SH3BP4: variants seen among roughly 807,000 people sequenced by gnomAD.
SH3BP4 encodes the protein SH3 domain binding protein 4, also known as SH3 domain-binding protein 4.
In SH3BP4, 33 loss-of-function variants were observed where a neutral mutation model predicts 65.5. The ratio of observed to expected loss-of-function variants is 0.50; its 90% CI spans 0.38 to 0.67. SH3BP4 has a LOEUF of 0.67. Among genes scored for constraint, SH3BP4 ranks in the 30% least tolerant of loss-of-function variants. The pLI is 0.00. For synonymous variants in SH3BP4, 552 were observed against 545.5 expected (o/e 1.01, Z -0.17); for missense variants, 1,134 against 1,261.4 (o/e 0.90, Z 1.53).
intron 4 of SH3BP4, among the ~76,000 whole-genome samples, chr2:235,050,882 A>G (rs6431335): frequency 2.6e-4 from 40 of 152,238 alleles, no homozygotes; most frequent in African/African-American, 8.9e-4. Context: ...TTGGAGTCCT[A>G]AAATGACAAC....
At chr2:235,038,380 TATATATA>T (rs1695514784) in intron 3 of SH3BP4, among the ~76,000 whole-genome samples, 1 of 7,350 alleles carries the variant, frequency 1.4e-4, no homozygotes, top group African/African-American at 8.2e-4. Context: ...TATATACATA[TATATATA>T]TATATATATA....
intron 1 of SH3BP4, among the ~76,000 whole-genome samples, chr2:234,989,611 AG>A (rs1234543827): frequency 6.6e-6 from 1 of 152,234 alleles, no homozygotes; most frequent in Non-Finnish European, 1.5e-5. Flanking sequence ...GTGGGCCATA[AG>A]GTCTGTGTCA....
chr2:235,017,513 A>G (rs1275021118), intron 2 of SH3BP4, among the ~76,000 whole-genome samples: 2 of 151,678 alleles, frequency 1.3e-5, no homozygotes, highest in Admixed American at 6.6e-5. Flanking sequence ...TCTGTCATCC[A>G]TAGATCAGAC....
Position 235,043,208 on chromosome 2 carries a change from G to A in SH3BP4, c.2439G>A (p.Glu813=). The stretch of plus-strand genomic sequence containing the variant: ...TGAAGGAGGACTGTAACAACACTGA[G>A]AACAAAGAACGGAAGTCCTTCCAGA... ...EKLKEDCNNT[E]NKERKSFQKE... is the part of the protein sequence containing the mutation. The change falls in exon 4 of 6, where the codon GAG becomes GAA. Residue 813 remains glutamate (E), a synonymous_variant. Transcript: ENST00000392011. 1.3e-6 allele frequency: 2 copies of A among 1,592,754 alleles called. No individual in the cohort carries two copies. Among genetic ancestry groups the A allele is most frequent in the Non-Finnish European group, 1.7e-6 (2 of 1,166,134 alleles).
intron 1 of SH3BP4, among the ~76,000 whole-genome samples, chr2:234,970,091 TCA>T (rs1350415551): frequency 2.0e-5 from 3 of 150,374 alleles, no homozygotes; most frequent in East Asian, 2.0e-4. Flanking sequence ...TCACACACAC[TCA>T]CAAATACACT....
Position 234,988,220 on chromosome 2 carries a change from T to C in SH3BP4, c.-206-7083T>C, listed in dbSNP as rs555968424. Among the ~76,000 whole-genome samples, 10 of 152,116 alleles carry C rather than the reference T, an allele frequency of 6.6e-5. No homozygotes were observed. The East Asian group carries it at 7.8e-4, about 12-fold the overall frequency. On this transcript the variant is annotated intron_variant, in intron 1 of 5. Transcript: ENST00000392011. ...GACTATGGGCGCCCACCACCACGCCTGGCTAATTTTTTGTATTTTTAGTAG... is the reference window on the plus strand; with the variant it reads ...GACTATGGGCGCCCACCACCACGCCCGGCTAATTTTTTGTATTTTTAGTAG...
intron 1 of SH3BP4, among the ~76,000 whole-genome samples, chr2:234,988,152 C>T (rs1312100079): frequency 5.9e-5 from 9 of 152,136 alleles, no homozygotes; most frequent in East Asian, 1.9e-4. Flanking sequence ...CTTCGCCTCC[C>T]GGGTTCAAGC....
intron 4 of SH3BP4, among the ~76,000 whole-genome samples, chr2:235,050,785 C>T (rs1175421655): frequency 2.0e-5 from 3 of 152,028 alleles, no homozygotes; most frequent in African/African-American, 7.3e-5. Flanking sequence ...GACGACCCTG[C>T]TATCGGCACA....
At chr2:234,957,728 T>C (rs1692620531) in intron 1 of SH3BP4, among the ~76,000 whole-genome samples, 1 of 151,874 alleles carries the variant, frequency 6.6e-6, no homozygotes, top group African/African-American at 2.4e-5. Context: ...GTGACTGTAA[T>C]GTATATCCAC....
At chr2:235,003,500 A>C (rs1465547924) in intron 2 of SH3BP4, among the ~76,000 whole-genome samples, 2 of 152,212 alleles carry the variant, frequency 1.3e-5, no homozygotes, top group Admixed American at 1.3e-4. Flanking sequence ...TTATCTGCTG[A>C]GAAGCAGATT....
intron 2 of SH3BP4, among the ~76,000 whole-genome samples, chr2:235,023,365 A>G (rs1694901446): frequency 6.6e-6 from 1 of 152,096 alleles, no homozygotes; most frequent in Admixed American, 6.6e-5. Context: ...TGGCCAACAT[A>G]GTGAAACCCT....
At chr2:235,036,687 A>G (rs1174391600) in intron 3 of SH3BP4, among the ~76,000 whole-genome samples, 1 of 148,300 alleles carries the variant, frequency 6.7e-6, no homozygotes, top group African/African-American at 2.5e-5. Flanking sequence ...CCCAGGAGGC[A>G]GAGGTTGCAG....
chr2:234,990,547 C>T (rs987214697), intron 1 of SH3BP4, among the ~76,000 whole-genome samples: 1 of 152,198 alleles, frequency 6.6e-6, no homozygotes, highest in African/African-American at 2.4e-5. Context: ...GGAACTCATG[C>T]GGGTCTGGCC....
intron 2 of SH3BP4, among the ~76,000 whole-genome samples, chr2:235,013,497 G>A (rs913309005): frequency 6.6e-6 from 1 of 152,162 alleles, no homozygotes; most frequent in Admixed American, 6.5e-5. Flanking sequence ...GACTAGGGAT[G>A]GGCACTCATT....
In SH3BP4 at chr2:234,978,344, C is replaced by T. The variant is rs997741336; in HGVS notation, c.-206-16959C>T. On this transcript the variant is annotated intron_variant, in intron 1 of 5. Coordinates refer to ENST00000392011, the MANE Select transcript of SH3BP4 (RefSeq NM_014521.3). This position sits in a 1 kb window ranked among gnomAD's most constrained non-coding sequence, Gnocchi z 4.1. Reference sequence around the variant, plus strand: ...ATTCATTCATTCATTCAACAAGTACCTGACAGCCTGTACAGCAGTGGTGCC... The same window carrying T: ...ATTCATTCATTCATTCAACAAGTACTTGACAGCCTGTACAGCAGTGGTGCC... Among the ~76,000 whole-genome samples, 2 of 152,166 alleles carry T rather than the reference C, an allele frequency of 1.3e-5. No homozygotes were observed. Among genetic ancestry groups the T allele is most frequent in the African/African-American group, 4.8e-5 (2 of 41,444 alleles).
chr2:235,018,672 T>TG (rs1694760873), intron 2 of SH3BP4, among the ~76,000 whole-genome samples: 1 of 152,206 alleles, frequency 6.6e-6, no homozygotes, highest in South Asian at 2.1e-4. Context: ...TGGGGTGCTC[T>TG]GGGGGTCCCC....
chr2:235,038,312 T>TAATA (rs1491342675), intron 3 of SH3BP4, among the ~76,000 whole-genome samples: 1 of 10,260 alleles, frequency 9.7e-5, no homozygotes, highest in Admixed American at 2.2e-3. Context: ...TATATATATA[T>TAATA]TATATATTAT....
intron 1 of SH3BP4, among the ~76,000 whole-genome samples, chr2:234,987,516 T>C (rs77442310): frequency 0.046 from 6,997 of 152,202 alleles, 184 homozygotes; most frequent in East Asian, 0.056. Context: ...TGAACCCACA[T>C]GTTTGACTTA....
chr2:235,015,444 A>C (rs11884247), intron 2 of SH3BP4, among the ~76,000 whole-genome samples: 6,291 of 152,182 alleles, frequency 0.041, 422 homozygotes, highest in African/African-American at 0.14. Flanking sequence ...GTCCCTCCCT[A>C]TGGTCGATGG....
Sources: gnomAD v4.1 joint callset for allele counts (sites outside exome capture counted in the v4.1 genomes callset) on GRCh38, gnomAD v4.1.1 for gene constraint, Gnocchi (gnomAD v3.1) non-coding constraint, MANE v1.5 for transcripts, NCBI Gene and HGNC (gene_info 2026-07-23, HGNC 2026-07-21) for gene names.